RGP1: variants seen among roughly 807,000 people sequenced by gnomAD.
RGP1 encodes the protein RAB6A-GEF complex partner protein 2.
A neutral mutation model predicts 44.5 loss-of-function variants in RGP1; 28 were observed. The ratio of observed to expected loss-of-function variants is 0.63; its 90% CI spans 0.47 to 0.86. The LOEUF is 0.86. RGP1 is among the 40% of genes least tolerant of loss of function. RGP1 has a pLI of 0.00. For synonymous variants in RGP1, 212 were observed against 196.7 expected (o/e 1.08, Z -0.65); for missense variants, 417 against 490.7 (o/e 0.85, Z 1.42).
the RGP1 span, among the ~76,000 whole-genome samples, chr9:35,781,018 A>G: frequency 2.6e-5 from 4 of 152,214 alleles, no homozygotes; most frequent in Non-Finnish European, 5.9e-5. Flanking sequence ...TAAGGACGAT[A>G]AAATTCCTTC....
chr9:35,781,544 T>A, the RGP1 span, among the ~76,000 whole-genome samples: 3 of 152,066 alleles, frequency 2.0e-5, no homozygotes, highest in African/African-American at 7.2e-5. Flanking sequence ...TGAGGACAGT[T>A]CCACATAATT....
At chr9:35,752,237 A>C (rs1163856085) in intron 8 of RGP1, 92 bp downstream of exon 8, 2 of 1,226,044 alleles carry the variant, frequency 1.6e-6, no homozygotes, top group Non-Finnish European at 2.2e-6. Flanking sequence ...CCTTATACAC[A>C]CTCCCAGACA....
rs375973678 is a variant in RGP1 at position 35,753,073 on chromosome 9, A to G, written c.*199A>G. On this transcript the variant is annotated 3_prime_UTR_variant, in exon 9 of 9. Transcript: ENST00000378078. This position sits in a 1 kb window ranked among gnomAD's most constrained non-coding sequence, Gnocchi z 4.2. ...CCTGGAAGTGGCAGCAGCAGTGAGC[A>G]GTCAGCAGATGGATGATCAGTTGAG... 82 of 1,608,180 alleles carry G rather than the reference A, an allele frequency of 5.1e-5. No individual in the cohort carries two copies. In the African/African-American group the frequency reaches 7.5e-4, roughly 15 times the overall value.
the RGP1 span, among the ~76,000 whole-genome samples, chr9:35,788,464 G>C: frequency 1.3e-5 from 2 of 152,062 alleles, no homozygotes; most frequent in South Asian, 4.1e-4. Flanking sequence ...TACTTGGAAG[G>C]CTGAGGCAGG....
At chr9:35,787,643 A>G in the RGP1 span, among the ~76,000 whole-genome samples, 1 of 152,186 alleles carries the variant, frequency 6.6e-6, no homozygotes. Context: ...GTTGGAGGGG[A>G]ACTGGAGGTT....
chr9:35,770,793 A>T, the RGP1 span, among the ~76,000 whole-genome samples: 2 of 152,192 alleles, frequency 1.3e-5, no homozygotes, highest in Non-Finnish European at 2.9e-5. Flanking sequence ...ACAGAGGATC[A>T]GAGGAGCACA....
At chr9:35,752,258 T>C (rs1779417860) in intron 8 of RGP1, 113 bp downstream of exon 8, 2 of 1,037,950 alleles carry the variant, frequency 1.9e-6, no homozygotes, top group African/African-American at 3.2e-5. Context: ...TACCCACGTC[T>C]AGCCTCTGAC....
chr9:35,749,715 G>GC lies in RGP1; in HGVS notation c.-19-18dup, dbSNP rs1563971982. The GC allele has an allele frequency of 1.4e-6, 2 of 1,468,616 alleles. No homozygotes were observed. Among genetic ancestry groups the GC allele is most frequent in the Admixed American group, 1.7e-5 (1 of 57,812 alleles). The allele number at this position is 1,468,616 out of a possible 1,614,324, so 91.0% of individuals were successfully genotyped here. ...CCTCCCTGTCAAGGTGCTGACCTCC[G>GC]CCCCGCCTTGTTTCCTTCTAGATCT... On this transcript the variant is annotated intron_variant, in intron 1 of 8. Transcript: ENST00000378078. The surrounding 1 kb of genome is among the most constrained non-coding windows in gnomAD (Gnocchi z 4.4).
In RGP1 at chr9:35,752,055, C is replaced by T. The variant is rs769640992; in HGVS notation, c.862C>T (p.Arg288Trp). 59 of 1,611,276 alleles carry T rather than the reference C, an allele frequency of 3.7e-5. No individual in the cohort carries two copies. Among genetic ancestry groups the T allele is most frequent in the East Asian group, 3.6e-4 (16 of 44,894 alleles). Reference sequence around the variant, plus strand: ...CTCTGTGTCACATGTGACTCACGCCCGGCACCAGGAATCCTGCCTACATAC... The same window carrying T: ...CTCTGTGTCACATGTGACTCACGCCTGGCACCAGGAATCCTGCCTACATAC... Reference protein sequence around the residue: ...VPSVSHVTHARHQESCLHTTR... With the variant: ...VPSVSHVTHAWHQESCLHTTR... The change falls in exon 8 of 9, where the codon CGG becomes TGG. Residue 288 changes from arginine (R) to tryptophan (W), a missense_variant. Transcript: ENST00000378078.
intron 2 of RGP1, 141 bp from the exon 3 acceptor site, chr9:35,750,102 G>A (rs1775602972): frequency 7.8e-7 from 1 of 1,276,102 alleles, no homozygotes. Context: ...TTATTTAATG[G>A]TTTCTCTTTG....
chr9:35,773,441 C>T, the RGP1 span, among the ~76,000 whole-genome samples: 1 of 151,686 alleles, frequency 6.6e-6, no homozygotes, highest in Non-Finnish European at 1.5e-5. Flanking sequence ...TAAATTCTAA[C>T]ACATACTATT....
chr9:35,781,605 C>G, the RGP1 span, among the ~76,000 whole-genome samples: 1 of 152,046 alleles, frequency 6.6e-6, no homozygotes, highest in African/African-American at 2.4e-5. Context: ...GGTTGTTAAT[C>G]CTTGTACCTT....
At chr9:35,770,458 T>G in the RGP1 span, among the ~76,000 whole-genome samples, 1 of 145,532 alleles carries the variant, frequency 6.9e-6, no homozygotes, top group Non-Finnish European at 1.5e-5. Flanking sequence ...ACATAGAAAT[T>G]GGTTATTGGA....
chr9:35,753,286 G>A lies in RGP1; in HGVS notation c.*412G>A, dbSNP rs757483124. The A allele has an allele frequency of 6.2e-7, 1 of 1,612,658 alleles. No individual in the cohort carries two copies. Among genetic ancestry groups the A allele is most frequent in the Admixed American group, 1.7e-5 (1 of 60,012 alleles). On this transcript the variant is annotated 3_prime_UTR_variant, in exon 9 of 9. Coordinates refer to ENST00000378078, the MANE Select transcript of RGP1 (RefSeq NM_001080496.3). The surrounding 1 kb of genome is among the most constrained non-coding windows in gnomAD (Gnocchi z 4.2). ...AGTCGATGGGATGCTGGGACCTGGGGAACCAAGGATAGGGGAAGGAGTCAG... is the reference window on the plus strand; with the variant it reads ...AGTCGATGGGATGCTGGGACCTGGGAAACCAAGGATAGGGGAAGGAGTCAG...
At chr9:35,782,283 G>A in the RGP1 span, among the ~76,000 whole-genome samples, 1 of 152,028 alleles carries the variant, frequency 6.6e-6, no homozygotes, top group Admixed American at 6.6e-5. Context: ...TTATTAGAAG[G>A]AAGATTTAGG....
chr9:35,750,335 C>T lies in RGP1; in HGVS notation c.209C>T (p.Pro70Leu). ...CTGCCTCCTCCTGACTCTAGTCAGC[C>T]AGATGTCCAGCCCGACAGCCAGACT... is the stretch of plus-strand genomic sequence containing the variant. Reference protein sequence around the residue: ...VALPPPDSSQPDVQPDSQTVF... With the variant: ...VALPPPDSSQLDVQPDSQTVF... Residue 70 changes from proline (P) to leucine (L), a missense_variant, in exon 3 of 9, where the codon CCA (proline) becomes CTA (leucine). Pro to Leu is a moderately conservative substitution (Grantham distance 98). Transcript: ENST00000378078. 1.2e-6 allele frequency: 2 copies of T among 1,614,004 alleles called. No homozygotes were observed. Among genetic ancestry groups the T allele is most frequent in the Non-Finnish European group, 1.7e-6 (2 of 1,179,882 alleles).
chr9:35,777,867 G>T, the RGP1 span, among the ~76,000 whole-genome samples: 1 of 152,034 alleles, frequency 6.6e-6, no homozygotes, highest in Admixed American at 6.5e-5. Flanking sequence ...AGGTCCCATT[G>T]CCATCCTTTA....
the RGP1 span, among the ~76,000 whole-genome samples, chr9:35,769,897 T>A: frequency 1.3e-5 from 2 of 152,184 alleles, no homozygotes; most frequent in African/African-American, 2.4e-5. Context: ...ATTAAAAAAA[T>A]TAACTTAAAA....
chr9:35,776,296 T>C, the RGP1 span, among the ~76,000 whole-genome samples: 4 of 151,808 alleles, frequency 2.6e-5, no homozygotes, highest in South Asian at 6.3e-4. Context: ...TCTTCTTCTT[T>C]TTTTTTTTTA....
Sources: allele counts gnomAD v4.1 joint callset (sites outside exome capture counted in the v4.1 genomes callset), GRCh38; gene constraint gnomAD v4.1.1; non-coding constraint Gnocchi (gnomAD v3.1); transcripts MANE v1.5; gene names NCBI Gene and HGNC (gene_info 2026-07-23, HGNC 2026-07-21).